GOLM1: variants seen among roughly 807,000 people sequenced by gnomAD.
GOLM1 encodes golgi membrane protein 1.
A neutral mutation model predicts 50.5 loss-of-function variants in GOLM1; 31 were observed. The ratio of observed to expected loss-of-function variants is 0.61; its 90% CI spans 0.46 to 0.83. GOLM1 has a LOEUF of 0.83. Among genes scored for constraint, GOLM1 ranks in the 40% least tolerant of loss-of-function variants. GOLM1 has a pLI of 0.00. For missense variants in GOLM1, 491 were observed against 501.3 expected (o/e 0.98, Z 0.20); for synonymous variants, 178 against 192.8 (o/e 0.92, Z 0.64).
intron 4 of GOLM1, among the ~76,000 whole-genome samples, chr9:86,048,637 A>AT (rs1255982124): frequency 6.6e-6 from 1 of 152,082 alleles, no homozygotes; most frequent in Non-Finnish European, 1.5e-5. Context: ...GATGATGAGC[A>AT]TTTTTTCATG....
chr9:86,079,274 A>G lies in GOLM1; in HGVS notation c.47T>C (p.Leu16Pro). ...GCAGGCCACCAGGGCGGCCAGCACG[A>G]GGGGCGGCGACTTCATGCTGCGACG... ...NGRRSMKSPP[L>P]VLAALVACII... Residue 16 changes from leucine (L) to proline (P), a missense_variant, in exon 2 of 10, where the codon CTC (leucine) becomes CCC (proline). Physicochemically the swap from Leu to Pro is moderately conservative, Grantham distance 98 (BLOSUM62 -3). Transcript: ENST00000388712. 2 of 1,609,880 alleles carry G rather than the reference A, an allele frequency of 1.2e-6. No individual in the cohort carries two copies. Among genetic ancestry groups the G allele is most frequent in the Non-Finnish European group, 1.7e-6 (2 of 1,177,054 alleles).
intron 6 of GOLM1, among the ~76,000 whole-genome samples, chr9:86,038,403 C>T (rs1833223140): frequency 6.6e-6 from 1 of 152,112 alleles, no homozygotes; most frequent in Non-Finnish European, 1.5e-5. Flanking sequence ...GCGCATTACC[C>T]AGAGCTCCTG....
At chr9:86,073,495 C>G (rs79188422) in intron 3 of GOLM1, among the ~76,000 whole-genome samples, 1 of 152,164 alleles carries the variant, frequency 6.6e-6, no homozygotes, top group East Asian at 1.9e-4. Flanking sequence ...CATTCTGCAT[C>G]AGAACACCAG....
At chr9:86,071,659 T>G (rs1459647649) in intron 3 of GOLM1, among the ~76,000 whole-genome samples, 1 of 150,688 alleles carries the variant, frequency 6.6e-6, no homozygotes, top group Non-Finnish European at 1.5e-5. Flanking sequence ...GGCAACAGAG[T>G]GAGACTCTGT....
intron 1 of GOLM1, among the ~76,000 whole-genome samples, chr9:86,089,769 C>T (rs1220610530): frequency 6.6e-6 from 1 of 152,140 alleles, no homozygotes; most frequent in Non-Finnish European, 1.5e-5. Context: ...GTTCATCAAA[C>T]TCATTCTCTG....
At chr9:86,043,574 T>A (rs369193169) in intron 5 of GOLM1, among the ~76,000 whole-genome samples, 5 of 152,140 alleles carry the variant, frequency 3.3e-5, no homozygotes, top group South Asian at 4.1e-4. Context: ...CCAAAGAAAG[T>A]GAAGAATAAC....
chr9:86,035,454 T>C lies in GOLM1; in HGVS notation c.929A>G (p.Gln310Arg), dbSNP rs369305109. ...PQVQAALSVS[Q>R]ENPEMEGPER... is the part of the protein sequence containing the mutation. ...AGGGCCCTCCATCTCTGGATTTTCC[T>C]GGCTCACTGACAGGGCAGCCTGCAC... is the stretch of plus-strand genomic sequence containing the variant. The change falls in exon 8 of 10, where the codon CAG becomes CGG. Residue 310 changes from glutamine to arginine, a missense_variant. Transcript: ENST00000388712. The C allele has an allele frequency of 3.7e-6, 6 of 1,613,788 alleles. No individual in the cohort carries two copies. In the Admixed American group the frequency reaches 5.0e-5, roughly 13 times the overall value.
At chr9:86,028,660 C>T (rs1449568535) in intron 9 of GOLM1, among the ~76,000 whole-genome samples, 1 of 152,038 alleles carries the variant, frequency 6.6e-6, no homozygotes, top group East Asian at 1.9e-4. Flanking sequence ...GAACGCACTG[C>T]AACACACACC....
At chr9:86,035,671 TAAAAAAAA>T (rs375193474) in intron 7 of GOLM1, 46 bp from the exon 8 acceptor site, 88 of 873,122 alleles carry the variant, frequency 1.0e-4, no homozygotes, top group African/African-American at 2.6e-4. Context: ...GCATTTGATT[TAAAAAAAA>T]AAAAAAAAAA....
chr9:86,046,411 C>T (rs896837384), intron 5 of GOLM1, 59 bp downstream of exon 5: 7 of 1,006,666 alleles, frequency 7.0e-6, no homozygotes, highest in Non-Finnish European at 1.1e-5. Context: ...TCAGCTTAAT[C>T]CCCGCCTCCC....
At position 86,079,280 on chromosome 9, in the gene GOLM1, G is replaced by A. The variant is rs141436162; in HGVS notation, c.41C>T (p.Pro14Leu). The change falls in exon 2 of 10, where the codon CCG becomes CTG. Residue 14 changes from proline (P) to leucine (L), a missense_variant. By Grantham distance (98) the Pro-to-Leu change is moderately conservative (BLOSUM62 -3). Transcript: ENST00000388712. ...CACCAGGGCGGCCAGCACGAGGGGC[G>A]GCGACTTCATGCTGCGACGCCCGTT... ...LGNGRRSMKS[P>L]PLVLAALVAC... 9 of 1,608,960 alleles carry A rather than the reference G, an allele frequency of 5.6e-6. No individual in the cohort carries two copies. Among genetic ancestry groups the A allele is most frequent in the South Asian group, 3.3e-5 (3 of 90,854 alleles).
chr9:86,097,325 T>C (rs534294505), intron 1 of GOLM1, among the ~76,000 whole-genome samples: 50 of 152,322 alleles, frequency 3.3e-4, no homozygotes, highest in African/African-American at 1.1e-3. Flanking sequence ...CCTTCTACTT[T>C]TTTACAAATG....
chr9:86,075,155 G>A (rs1244232877), intron 3 of GOLM1, among the ~76,000 whole-genome samples: 1 of 152,162 alleles, frequency 6.6e-6, no homozygotes, highest in Non-Finnish European at 1.5e-5. Context: ...GCCCTCACCA[G>A]ATGAATCTGC....
Position 86,054,003 on chromosome 9 carries a change from C to T in GOLM1, c.310-1412G>A, listed in dbSNP as rs915564485. On this transcript the variant is annotated intron_variant, in intron 3 of 9. Coordinates refer to ENST00000388712, the MANE Select transcript of GOLM1 (RefSeq NM_016548.4). ...TGGCCATTCCACTAACAAGACCTCT[C>T]GATGCACTTTAACTTCTGGCCTCCT... Among the ~76,000 whole-genome samples, 5 of 152,256 alleles carry T rather than the reference C, an allele frequency of 3.3e-5. No homozygotes were observed. In the South Asian group the frequency reaches 8.3e-4, roughly 25 times the overall value.
intron 5 of GOLM1, among the ~76,000 whole-genome samples, chr9:86,044,028 G>C (rs1181345197): frequency 1.3e-5 from 2 of 152,166 alleles, no homozygotes; most frequent in Admixed American, 1.3e-4. Flanking sequence ...CCTAACTCAA[G>C]GTTTCTCAAC....
chr9:86,047,243 A>C (rs1041654343), intron 4 of GOLM1, among the ~76,000 whole-genome samples: 18 of 152,298 alleles, frequency 1.2e-4, no homozygotes, highest in Non-Finnish European at 1.9e-4. Flanking sequence ...GCTGGGGCAG[A>C]GGGGAAGGCA....
intron 1 of GOLM1, among the ~76,000 whole-genome samples, chr9:86,091,547 A>G (rs1402428519): frequency 6.6e-6 from 1 of 152,100 alleles, no homozygotes; most frequent in Admixed American, 6.6e-5. Flanking sequence ...TCTTTGTTAT[A>G]TACTAAATTT....
At position 86,027,779 on chromosome 9, in the gene GOLM1, C is replaced by T. The variant is rs1284225244; in HGVS notation, c.*38G>A. The T allele has an allele frequency of 1.2e-6, 2 of 1,605,464 alleles. No individual in the cohort carries two copies. The highest frequency in any genetic ancestry group is 1.3e-5 in the African/African-American group (1 of 74,444). On this transcript the variant is annotated 3_prime_UTR_variant, in exon 10 of 10. Coordinates refer to ENST00000388712, the MANE Select transcript of GOLM1 (RefSeq NM_016548.4). ...CCTCATGAACATTTTATAGTCATCT[C>T]TTCGGCCCTGTTGTGAAATATGTGA...
chr9:86,089,777 C>T (rs1486673439), intron 1 of GOLM1, among the ~76,000 whole-genome samples: 3 of 152,194 alleles, frequency 2.0e-5, no homozygotes, highest in Admixed American at 1.3e-4. Context: ...AACTCATTCT[C>T]TGTCCAGTTT....
Sources: allele counts gnomAD v4.1 joint callset (sites outside exome capture counted in the v4.1 genomes callset), GRCh38; gene constraint gnomAD v4.1.1; transcripts MANE v1.5; gene names NCBI Gene and HGNC (gene_info 2026-07-23, HGNC 2026-07-21).